UBA5: variants seen among roughly 807,000 people sequenced by gnomAD.
The protein encoded by UBA5 is ubiquitin like modifier activating enzyme 5.
Under a neutral mutation model 52.9 loss-of-function variants are expected in UBA5, and 28 were observed. That is an observed-to-expected ratio of 0.53 (90% CI 0.39 to 0.73). The LOEUF (loss-of-function observed/expected upper bound fraction) is 0.73, where lower values mean the gene tolerates loss of function less well. UBA5 is among the 30% of genes least tolerant of loss of function. The pLI, the probability that UBA5 is intolerant of heterozygous loss-of-function variation, is 0.00. For synonymous variants in UBA5, 135 were observed against 162.1 expected (o/e 0.83, Z 1.27); for missense variants, 388 against 492.7 (o/e 0.79, Z 2.01).
intron 8 of UBA5, among the ~76,000 whole-genome samples, chr3:132,673,077 AT>A (rs2107945425): frequency 6.6e-6 from 1 of 152,334 alleles, no homozygotes; most frequent in South Asian, 2.1e-4. Context: ...AAGCATACAT[AT>A]AAACTCTCAA....
In UBA5 at chr3:132,675,550, G is replaced by A. The variant is rs1165712160; in HGVS notation, c.949-55G>A. The stretch of plus-strand genomic sequence containing the variant: ...AAGCCTGTCTGAATTCTTGATTAAT[G>A]CTTTAGAGAACTGAGAATGAGTAAG... On this transcript the variant is annotated intron_variant, in intron 9 of 11. Coordinates refer to ENST00000356232, the MANE Select transcript of UBA5 (RefSeq NM_024818.6). 5 of 1,549,252 alleles carry A rather than the reference G, an allele frequency of 3.2e-6. No homozygotes were observed. The African/African-American group carries it at 5.5e-5, about 17-fold the overall frequency.
intron 3 of UBA5, among the ~76,000 whole-genome samples, chr3:132,666,975 A>G (rs1378808): frequency 0.021 from 3,207 of 152,210 alleles, 115 homozygotes; most frequent in African/African-American, 0.074. Context: ...AGCCTTATTA[A>G]AGCACAGATT....
Position 132,669,750 on chromosome 3 carries a change from G to A in UBA5, c.408-448G>A, listed in dbSNP as rs75397248. 6.1e-3 allele frequency among the ~76,000 whole-genome samples: 929 copies of A among 152,290 alleles called. 13 individuals carry two copies. Among genetic ancestry groups the A allele is most frequent in the African/African-American group, 0.022 (896 of 41,556 alleles). On this transcript the variant is annotated intron_variant, in intron 4 of 11. Coordinates refer to ENST00000356232, the MANE Select transcript of UBA5 (RefSeq NM_024818.6). ...CTTTGTGGCCCCAAATTTGTTAACTGAGTAAGGAAGTGAGGCTGAGTTGTA... is the reference window on the plus strand; with the variant it reads ...CTTTGTGGCCCCAAATTTGTTAACTAAGTAAGGAAGTGAGGCTGAGTTGTA...
chr3:132,672,278 ATAATT>A, intron 8 of UBA5, 101 bp downstream of exon 8: 1 of 1,359,760 alleles, frequency 7.4e-7, no homozygotes, highest in Middle Eastern at 1.9e-4. Context: ...AGCTAAGTAT[ATAATT>A]TAGTTACTTT....
upstream of UBA5, among the ~76,000 whole-genome samples, chr3:132,657,114 A>G: frequency 6.6e-6 from 1 of 152,168 alleles, no homozygotes; most frequent in East Asian, 1.9e-4. Context: ...ACATCTTCCA[A>G]ACATTTATAG....
intron 8 of UBA5, among the ~76,000 whole-genome samples, chr3:132,673,127 C>A (rs1348665814): frequency 6.6e-6 from 1 of 152,028 alleles, no homozygotes; most frequent in Non-Finnish European, 1.5e-5. Flanking sequence ...GAGCAAATAG[C>A]CTGTTTAGAC....
chr3:132,660,978 T>A lies in UBA5; in HGVS notation c.161+280T>A. The A allele has an allele frequency of 2.7e-6, 4 of 1,474,276 alleles. No homozygotes were observed. Among genetic ancestry groups the A allele is most frequent in the Non-Finnish European group, 3.6e-6 (4 of 1,108,308 alleles). The allele number at this position is 1,474,276 out of a possible 1,614,324, so 91.3% of individuals were successfully genotyped here. ...CCTATCACCCTTGCCTCTTAATTAG[T>A]CCGCCTCGCTGTGTATAAGACTGAT... is the stretch of plus-strand genomic sequence containing the variant. On this transcript the variant is annotated intron_variant, in intron 1 of 11. Transcript: ENST00000356232. The surrounding 1 kb of genome is among the most constrained non-coding windows in gnomAD (Gnocchi z 4.1).
Position 132,676,466 on chromosome 3 carries a change from A to T in UBA5, c.1155A>T (p.Leu385Phe). The T allele has an allele frequency of 6.2e-7, 1 of 1,610,040 alleles. No individual in the cohort carries two copies. The highest frequency in any genetic ancestry group is 8.5e-7 in the Non-Finnish European group (1 of 1,178,594). The change falls in exon 12 of 12, where the codon TTA becomes TTT. Residue 385 changes from leucine (L) to phenylalanine (F), a missense_variant. Physicochemically the swap from Leu to Phe is conservative, Grantham distance 22. Transcript: ENST00000356232. This position sits in a 1 kb window ranked among gnomAD's most constrained non-coding sequence, Gnocchi z 4.1. ...AGCAAGAAGATTCTGTCACTGAGTT[A>T]ACAGTGGAAGATTCTGGTGAAAGCT... ...PKKQEDSVTELTVEDSGESLE... is the reference protein window; with the variant it reads ...PKKQEDSVTEFTVEDSGESLE...
chr3:132,676,461 G>C lies in UBA5; in HGVS notation c.1150G>C (p.Glu384Gln). ...IPKKQEDSVT[E>Q]LTVEDSGESL... ...TCAATAGCAAGAAGATTCTGTCACT[G>C]AGTTAACAGTGGAAGATTCTGGTGA... The change falls in exon 12 of 12, where the codon GAG becomes CAG. Residue 384 changes from glutamate to glutamine, a missense_variant. Coordinates refer to ENST00000356232, the MANE Select transcript of UBA5 (RefSeq NM_024818.6). The surrounding 1 kb of genome is among the most constrained non-coding windows in gnomAD (Gnocchi z 4.1). 1 of 1,609,068 alleles carries C rather than the reference G, an allele frequency of 6.2e-7. No individual in the cohort carries two copies. Among genetic ancestry groups the C allele is most frequent in the Non-Finnish European group, 8.5e-7 (1 of 1,178,414 alleles).
chr3:132,662,259 TTAATA>T (rs1327674432), intron 1 of UBA5, among the ~76,000 whole-genome samples: 1 of 152,252 alleles, frequency 6.6e-6, no homozygotes, highest in Non-Finnish European at 1.5e-5. Flanking sequence ...ATATGGAATT[TTAATA>T]AAGTTCAGCT....
chr3:132,677,228 C>A lies in UBA5; in HGVS notation c.*702C>A. ...AGGAAGTATAAATTATATTCTGCAC[C>A]GAACAAGGAACAGAAATTATTGCAT... On this transcript the variant is annotated 3_prime_UTR_variant, in exon 12 of 12. Transcript: ENST00000356232. 5.7e-6 allele frequency: 1 copy of A among 174,608 alleles called. No homozygotes were observed. The highest frequency in any genetic ancestry group is 1.4e-4 in the South Asian group (1 of 7,374). 10.8% of individuals were successfully genotyped at this position (174,608 alleles called of 1,614,324 possible).
rs751616849 is a variant in UBA5 at position 132,676,523 on chromosome 3, G to A, written c.1212G>A (p.Met404Ile). The part of the protein sequence containing the change: ...LEDLMAKMKN[M>I] ...ACCTCATGGCCAAAATGAAGAATATGTAGATAATGGACTGGGATATATTGT... is the reference window on the plus strand; with the variant it reads ...ACCTCATGGCCAAAATGAAGAATATATAGATAATGGACTGGGATATATTGT... Residue 404 changes from methionine to isoleucine, a missense_variant, in exon 12 of 12, where the codon ATG (methionine) becomes ATA (isoleucine). This residue lies in a region of UBA5 where 277 missense variants were observed against 326.4 expected (regional missense o/e 0.85). Coordinates refer to ENST00000356232, the MANE Select transcript of UBA5 (RefSeq NM_024818.6). The surrounding 1 kb of genome is among the most constrained non-coding windows in gnomAD (Gnocchi z 4.1). The A allele has an allele frequency of 3.1e-6, 5 of 1,599,538 alleles. No homozygotes were observed. In the South Asian group the frequency reaches 3.4e-5, roughly 11 times the overall value.
At chr3:132,673,665 CTT>C (rs35066291) in intron 8 of UBA5, among the ~76,000 whole-genome samples, 16 of 141,300 alleles carry the variant, frequency 1.1e-4, no homozygotes, top group Non-Finnish European at 1.4e-4. Flanking sequence ...TTCTATAGTA[CTT>C]TTTTTTTTTT....
At chr3:132,660,083 C>G (rs1938059327), upstream of UBA5, 2 of 347,340 alleles carry the variant, frequency 5.8e-6, no homozygotes, top group Admixed American at 8.8e-5. This position sits in a 1 kb window ranked among gnomAD's most constrained non-coding sequence, Gnocchi z 4.1. Context: ...CTTCCACCCC[C>G]AAATTTAATG....
At position 132,665,093 on chromosome 3, in the gene UBA5, G is replaced by C. The variant is rs111361103; in HGVS notation, c.162-730G>C. Reference sequence around the variant, plus strand: ...ACAATATTGGGAAGTTGGTGGGATGGAAGATGTCTGCGTGCAGTGGGGATG... The same window carrying C: ...ACAATATTGGGAAGTTGGTGGGATGCAAGATGTCTGCGTGCAGTGGGGATG... On this transcript the variant is annotated intron_variant, in intron 1 of 11. Coordinates refer to ENST00000356232, the MANE Select transcript of UBA5 (RefSeq NM_024818.6). 1.2e-3 allele frequency among the ~76,000 whole-genome samples: 184 copies of C among 152,224 alleles called. 1 individual carries two copies. Among genetic ancestry groups the C allele is most frequent in the African/African-American group, 3.8e-3 (158 of 41,564 alleles).
intron 1 of UBA5, chr3:132,661,196 T>C: frequency 1.9e-6 from 1 of 512,874 alleles, no homozygotes; most frequent in South Asian, 2.2e-5. Flanking sequence ...CAGGCCTCTC[T>C]TTTCTTCTTT....
At position 132,660,555 on chromosome 3, in the gene UBA5, G is replaced by A; in HGVS notation, c.18G>A (p.Glu6=). The A allele has an allele frequency of 6.5e-7, 1 of 1,549,596 alleles. No homozygotes were observed. The highest frequency in any genetic ancestry group is 8.7e-7 in the Non-Finnish European group (1 of 1,147,158). MAESV[E]RLQQRVQELE... ...TCCCAGCCATGGCGGAGTCTGTGGA[G>A]CGCCTGCAGCAGCGGGTCCAGGAGC... The change falls in exon 1 of 12, where the codon GAG becomes GAA. Residue 6 remains glutamate (E), a synonymous_variant. Transcript: ENST00000356232. This position sits in a 1 kb window ranked among gnomAD's most constrained non-coding sequence, Gnocchi z 4.1.
At position 132,676,953 on chromosome 3, in the gene UBA5, G is replaced by A; in HGVS notation, c.*427G>A. 2.3e-6 allele frequency: 1 copy of A among 441,262 alleles called. No individual in the cohort carries two copies. Among genetic ancestry groups the A allele is most frequent in the South Asian group, 1.6e-5 (1 of 61,902 alleles). 27.3% of individuals were successfully genotyped at this position (441,262 alleles called of 1,614,324 possible). ...CAAGGCATACAGCTTATTGATTAGA[G>A]CTGGCAAGCATCTGCTCATTATGTT... On this transcript the variant is annotated 3_prime_UTR_variant, in exon 12 of 12. Coordinates refer to ENST00000356232, the MANE Select transcript of UBA5 (RefSeq NM_024818.6). This position sits in a 1 kb window ranked among gnomAD's most constrained non-coding sequence, Gnocchi z 4.1.
At chr3:132,660,258 G>A (rs1490236342), upstream of UBA5, 1 of 558,994 alleles carries the variant, frequency 1.8e-6, no homozygotes, top group Non-Finnish European at 3.2e-6. This position sits in a 1 kb window ranked among gnomAD's most constrained non-coding sequence, Gnocchi z 4.1. Flanking sequence ...CTGCGGCCGG[G>A]TTTAGCCGGC....
Sources: allele counts gnomAD v4.1 joint callset (sites outside exome capture counted in the v4.1 genomes callset), GRCh38; gene constraint gnomAD v4.1.1; regional missense constraint gnomAD v4.1.1; non-coding constraint Gnocchi (gnomAD v3.1); transcripts MANE v1.5; gene names NCBI Gene and HGNC (gene_info 2026-07-23, HGNC 2026-07-21).